LRRC38: variants seen among roughly 807,000 people sequenced by gnomAD.
LRRC38 encodes leucine-rich repeat-containing protein 38.
In LRRC38, 5 loss-of-function variants were observed where a neutral mutation model predicts 16.4. The ratio of observed to expected loss-of-function variants is 0.31; its 90% CI spans 0.16 to 0.64. The LOEUF (loss-of-function observed/expected upper bound fraction) is 0.64. Among genes scored for constraint, LRRC38 ranks in the 30% least tolerant of loss-of-function variants. LRRC38 has a pLI of 0.80. For missense variants in LRRC38, 341 were observed against 401.8 expected, an observed-to-expected ratio of 0.85 and a Z score of 1.29; for synonymous variants, 191 against 190.2, an observed-to-expected ratio of 1.00 and a Z score of -0.04.
intron 1 of LRRC38, among the ~76,000 whole-genome samples, chr1:13,483,387 G>A (rs1458977370): frequency 6.6e-6 from 1 of 152,116 alleles, no homozygotes; most frequent in African/African-American, 2.4e-5. Flanking sequence ...GACCTCAGGT[G>A]ATCCACCTGC....
intron 1 of LRRC38, among the ~76,000 whole-genome samples, chr1:13,481,653 C>A (rs1638859862): frequency 6.6e-6 from 1 of 152,066 alleles, no homozygotes; most frequent in African/African-American, 2.4e-5. Flanking sequence ...CCTTGGCCTC[C>A]CAAAGTACTG....
intron 1 of LRRC38, among the ~76,000 whole-genome samples, chr1:13,492,214 T>C (rs1164560257): frequency 6.6e-6 from 1 of 152,212 alleles, no homozygotes; most frequent in East Asian, 1.9e-4. Flanking sequence ...TCATACAATA[T>C]TTGTCCTTTG....
chr1:13,487,803 G>A lies in LRRC38; in HGVS notation c.632-11704C>T, dbSNP rs1638954785. 6.6e-6 allele frequency among the ~76,000 whole-genome samples: 1 copy of A among 152,182 alleles called. No homozygotes were observed. The highest frequency in any genetic ancestry group is 2.1e-4 in the South Asian group (1 of 4,826). On this transcript the variant is annotated intron_variant, in intron 1 of 1. Coordinates refer to ENST00000376085, the MANE Select transcript of LRRC38 (RefSeq NM_001010847.2). This position sits in a 1 kb window ranked among gnomAD's most constrained non-coding sequence, Gnocchi z 4.4. ...CCAACAAACAGGCCTGCAGCCAGAG[G>A]ATCTCTCAGGCCCTTTCCCCTGATC... is the stretch of plus-strand genomic sequence containing the variant.
intron 1 of LRRC38, among the ~76,000 whole-genome samples, chr1:13,496,646 C>T (rs1390788833): frequency 6.6e-6 from 1 of 152,148 alleles, no homozygotes; most frequent in African/African-American, 2.4e-5. Flanking sequence ...TCATTCATCC[C>T]TTCAACACAT....
At chr1:13,496,352 T>C (rs1639079796) in intron 1 of LRRC38, among the ~76,000 whole-genome samples, 1 of 152,092 alleles carries the variant, frequency 6.6e-6, no homozygotes, top group Non-Finnish European at 1.5e-5. Flanking sequence ...TTTATTTTTT[T>C]TGTAGAGACA....
intron 1 of LRRC38, among the ~76,000 whole-genome samples, chr1:13,512,241 C>T (rs1007982655): frequency 6.6e-6 from 1 of 152,196 alleles, no homozygotes; most frequent in Non-Finnish European, 1.5e-5. Context: ...TCCTGCGGGC[C>T]TTAATGGAGC....
intron 1 of LRRC38, 113 bp downstream of exon 1, chr1:13,512,850 C>T (rs944340698): frequency 6.0e-6 from 7 of 1,163,124 alleles, no homozygotes; most frequent in Middle Eastern, 2.7e-4. Context: ...TCAGGATCCC[C>T]CAAGCCTCCT....
At chr1:13,510,364 C>T (rs908755335) in intron 1 of LRRC38, among the ~76,000 whole-genome samples, 4 of 152,154 alleles carry the variant, frequency 2.6e-5, no homozygotes, top group Admixed American at 1.3e-4. Flanking sequence ...CAAGTTACAT[C>T]GCTTCTCTAG....
chr1:13,481,647 G>A (rs969102947), intron 1 of LRRC38, among the ~76,000 whole-genome samples: 4 of 152,004 alleles, frequency 2.6e-5, no homozygotes, highest in Non-Finnish European at 5.9e-5. Flanking sequence ...CGCCCGCCTT[G>A]GCCTCCCAAA....
intron 1 of LRRC38, among the ~76,000 whole-genome samples, chr1:13,485,553 G>A (rs1054599051): frequency 2.0e-5 from 3 of 151,604 alleles, no homozygotes; most frequent in African/African-American, 7.3e-5. Flanking sequence ...GGGCGAGAGC[G>A]AGACTCCATC....
chr1:13,512,951 G>T lies in LRRC38; in HGVS notation c.631+12C>A. On this transcript the variant is annotated intron_variant, in intron 1 of 1. Coordinates refer to ENST00000376085, the MANE Select transcript of LRRC38 (RefSeq NM_001010847.2). Reference sequence around the variant, plus strand: ...CCTCCCTCCCTCCCCCAGCCTAGCCGGCTCGGCTCACCTTTGGGCAGTTTG... The same window carrying T: ...CCTCCCTCCCTCCCCCAGCCTAGCCTGCTCGGCTCACCTTTGGGCAGTTTG... The T allele has an allele frequency of 3.5e-6, 2 of 564,662 alleles. No homozygotes were observed. The highest frequency in any genetic ancestry group is 2.8e-6 in the Non-Finnish European group (1 of 351,070). The allele number at this position is 564,662 out of a possible 1,614,324, so 35.0% of individuals were successfully genotyped here.
At chr1:13,508,168 C>T (rs71629834) in intron 1 of LRRC38, among the ~76,000 whole-genome samples, 10,574 of 150,872 alleles carry the variant, frequency 0.07, 464 homozygotes, top group South Asian at 0.13. Flanking sequence ...ACCTGGGAGG[C>T]GGAGGTTGCA....
At chr1:13,493,092 ATGCTT>A (rs1639036643) in intron 1 of LRRC38, among the ~76,000 whole-genome samples, 1 of 152,210 alleles carries the variant, frequency 6.6e-6, no homozygotes, top group African/African-American at 2.4e-5. Flanking sequence ...AGTGCTCTCT[ATGCTT>A]CAAATAGCTT....
chr1:13,506,152 C>T (rs1415361238), intron 1 of LRRC38, among the ~76,000 whole-genome samples: 1 of 151,972 alleles, frequency 6.6e-6, no homozygotes, highest in Non-Finnish European at 1.5e-5. Flanking sequence ...GATGGGCTCC[C>T]AACCCAGCCT....
intron 1 of LRRC38, among the ~76,000 whole-genome samples, chr1:13,484,271 C>T (rs1233376490): frequency 6.6e-6 from 1 of 152,136 alleles, no homozygotes; most frequent in African/African-American, 2.4e-5. Context: ...CCGCTCTCCC[C>T]ACCCCATCAT....
chr1:13,489,305 G>A (rs376251), intron 1 of LRRC38, among the ~76,000 whole-genome samples: 66,271 of 152,110 alleles, frequency 0.44, 17,588 homozygotes, highest in Non-Finnish European at 0.61. Context: ...CCAGCCTCCA[G>A]GAACTCCAAA....
At chr1:13,481,535 G>A (rs1638856225) in intron 1 of LRRC38, among the ~76,000 whole-genome samples, 1 of 151,794 alleles carries the variant, frequency 6.6e-6, no homozygotes. Context: ...GGGACTACAG[G>A]CACCCACCAC....
chr1:13,487,485 C>T lies in LRRC38; in HGVS notation c.632-11386G>A, dbSNP rs927501328. Among the ~76,000 whole-genome samples the T allele has an allele frequency of 7.2e-5, 11 of 152,206 alleles. No individual in the cohort carries two copies. Among genetic ancestry groups the T allele is most frequent in the Non-Finnish European group, 4.4e-5 (3 of 68,030 alleles). On this transcript the variant is annotated intron_variant, in intron 1 of 1. Coordinates refer to ENST00000376085, the MANE Select transcript of LRRC38 (RefSeq NM_001010847.2). The surrounding 1 kb of genome is among the most constrained non-coding windows in gnomAD (Gnocchi z 4.4). ...TCCAACCCACTGAAACCAAAGTGGG[C>T]TCCGTCTCATTCTGGCCTAGGCAGA...
chr1:13,502,493 T>A (rs1639162818), intron 1 of LRRC38, among the ~76,000 whole-genome samples: 1 of 152,010 alleles, frequency 6.6e-6, no homozygotes, highest in Non-Finnish European at 1.5e-5. Flanking sequence ...ACAAATGAAC[T>A]CTGGAGCCGG....
Sources: gnomAD v4.1 joint callset for allele counts (sites outside exome capture counted in the v4.1 genomes callset) on GRCh38, gnomAD v4.1.1 for gene constraint, Gnocchi (gnomAD v3.1) non-coding constraint, MANE v1.5 for transcripts, NCBI Gene and HGNC (gene_info 2026-07-23, HGNC 2026-07-21) for gene names.